Variants in UBE3C observed in about 807,000 individuals in gnomAD.
UBE3C encodes the protein ubiquitin protein ligase E3C.
In UBE3C, 42 loss-of-function variants were observed where a neutral mutation model predicts 129.4. The ratio of observed to expected loss-of-function variants is 0.32; its 90% CI spans 0.25 to 0.42. The LOEUF is 0.42. Among genes scored for constraint, UBE3C ranks in the 10% least tolerant of loss-of-function variants. The pLI, the probability that UBE3C is intolerant of heterozygous loss-of-function variation, is 1.00. For synonymous variants in UBE3C, 510 were observed against 492.4 expected (o/e 1.04, Z -0.47); for missense variants, 1,049 against 1,319.1 (o/e 0.80, Z 3.17).
chr7:157,180,690 TACCCAGAGTTATGTTCACTGCCTCCC>T (rs1197122667), intron 6 of UBE3C, among the ~76,000 whole-genome samples: 1 of 152,252 alleles, frequency 6.6e-6, no homozygotes, highest in Non-Finnish European at 1.5e-5. Context: ...TCATTCTTGA[TACCCAGAGTTATGTTCACTGCCTCCC>T]ACCCAGAGTT....
intron 14 of UBE3C, among the ~76,000 whole-genome samples, chr7:157,220,143 G>A (rs1270039742): frequency 1.3e-5 from 2 of 152,148 alleles, no homozygotes; most frequent in African/African-American, 4.8e-5. Context: ...ACCAGAAGGT[G>A]GAGGTCGCAG....
rs1001867954 is a variant in UBE3C, at chr7:157,269,191, G to A, written c.*1436G>A. ...TATTTTAGGTTGTTTTATGTTGAAT[G>A]TTCTATATCTTATTAGTTAATTTGT... On this transcript the variant is annotated 3_prime_UTR_variant, in exon 23 of 23. Transcript: ENST00000348165. 3.3e-5 allele frequency: 5 copies of A among 152,424 alleles called. No individual in the cohort carries two copies. The highest frequency in any genetic ancestry group is 7.4e-5 in the Non-Finnish European group (5 of 67,988). 9.4% of individuals were successfully genotyped at this position (152,424 alleles called of 1,614,324 possible). A position where few individuals can be genotyped will look rare whatever the true frequency, so the allele number is the denominator to read the frequency against.
chr7:157,177,246 A>G (rs913653713), intron 5 of UBE3C, among the ~76,000 whole-genome samples: 3 of 152,208 alleles, frequency 2.0e-5, no homozygotes, highest in African/African-American at 7.2e-5. Flanking sequence ...TTCCTGGATT[A>G]CTAATGATGA....
At chr7:157,189,322 T>C (rs1268328886) in intron 10 of UBE3C, 3 of 195,738 alleles carry the variant, frequency 1.5e-5, no homozygotes, top group African/African-American at 2.3e-5. Flanking sequence ...ATTTTAGATA[T>C]ATTACCATTG....
At chr7:157,142,363 T>G (rs1450090202) in intron 1 of UBE3C, among the ~76,000 whole-genome samples, 1 of 150,082 alleles carries the variant, frequency 6.7e-6, no homozygotes, top group Non-Finnish European at 1.5e-5. Flanking sequence ...TATAGATCTG[T>G]GTACGACAAG....
intron 14 of UBE3C, among the ~76,000 whole-genome samples, chr7:157,218,188 GT>G (rs1441700083): frequency 1.3e-5 from 2 of 152,222 alleles, no homozygotes; most frequent in Non-Finnish European, 2.9e-5. Context: ...GCTCATGCCT[GT>G]AATCCCAGCA....
intron 1 of UBE3C, among the ~76,000 whole-genome samples, chr7:157,144,957 G>A (rs561181711): frequency 6.6e-6 from 1 of 152,204 alleles, no homozygotes; most frequent in Non-Finnish European, 1.5e-5. Flanking sequence ...CCCTTACAGC[G>A]TTATACAGAA....
chr7:157,180,523 T>C (rs1454047764), intron 6 of UBE3C, among the ~76,000 whole-genome samples: 2 of 152,208 alleles, frequency 1.3e-5, no homozygotes, highest in Admixed American at 6.5e-5. Context: ...AATACGAAGC[T>C]GTGTAGGACT....
At chr7:157,190,324 C>T (rs1039180566) in intron 10 of UBE3C, among the ~76,000 whole-genome samples, 3 of 149,392 alleles carry the variant, frequency 2.0e-5, no homozygotes, top group Admixed American at 6.6e-5. Flanking sequence ...AGAGCCTCCT[C>T]TTTCTGTCCC....
At chr7:157,187,299 A>G (rs78719312) in intron 10 of UBE3C, among the ~76,000 whole-genome samples, 2,423 of 152,182 alleles carry the variant, frequency 0.016, 27 homozygotes, top group Middle Eastern at 0.058. Context: ...CCCATCTGAA[A>G]GGCTGGACTC....
intron 11 of UBE3C, among the ~76,000 whole-genome samples, chr7:157,205,661 A>C (rs1189186884): frequency 6.6e-6 from 1 of 152,204 alleles, no homozygotes; most frequent in Non-Finnish European, 1.5e-5. Context: ...TGAATGTCCC[A>C]CAATGTTTAA....
chr7:157,154,499 C>G (rs1277812160), intron 1 of UBE3C, among the ~76,000 whole-genome samples: 1 of 152,144 alleles, frequency 6.6e-6, no homozygotes, highest in African/African-American at 2.4e-5. Flanking sequence ...TTCACCTCAA[C>G]AAAATATCTT....
At chr7:157,234,571 T>A (rs908610592) in intron 18 of UBE3C, among the ~76,000 whole-genome samples, 4 of 152,200 alleles carry the variant, frequency 2.6e-5, no homozygotes, top group African/African-American at 7.2e-5. Context: ...TATAGAATAA[T>A]TCCCCTTTAT....
At chr7:157,207,598 C>T in intron 12 of UBE3C, 43 bp downstream of exon 12, 1 of 1,598,380 alleles carries the variant, frequency 6.3e-7, no homozygotes, top group Non-Finnish European at 8.5e-7. Flanking sequence ...CCACTTGGCC[C>T]ATCAGTTTTC....
intron 21 of UBE3C, among the ~76,000 whole-genome samples, chr7:157,254,662 G>C (rs1410937300): frequency 6.6e-6 from 1 of 151,912 alleles, no homozygotes; most frequent in Non-Finnish European, 1.5e-5. Flanking sequence ...CCTCCCCAAA[G>C]TGCCAGGATT....
At chr7:157,158,239 C>T (rs977784104) in intron 1 of UBE3C, among the ~76,000 whole-genome samples, 1 of 151,880 alleles carries the variant, frequency 6.6e-6, no homozygotes, top group Non-Finnish European at 1.5e-5. Flanking sequence ...TCAAAGGAAA[C>T]ACAAATATAA....
In UBE3C at chr7:157,248,526, G is replaced by A; in HGVS notation, c.2640G>A (p.Val880=). ...LLFLKSYEDD[V]EELGLNFTVV... is the part of the protein sequence containing the mutation. ...TTCTGAAGAGCTACGAAGACGATGT[G>A]GAGGAGCTTGGGCTGAACTTCACTG... Residue 880 remains valine (V), a synonymous_variant, in exon 19 of 23, where the codon GTG becomes GTA. Transcript: ENST00000348165. 7 of 1,612,976 alleles carry A rather than the reference G, an allele frequency of 4.3e-6. 1 individual carries two copies. In the African/African-American group the frequency reaches 8.0e-5, roughly 18 times the overall value.
At chr7:157,199,978 A>G (rs1809235611) in intron 10 of UBE3C, among the ~76,000 whole-genome samples, 1 of 152,132 alleles carries the variant, frequency 6.6e-6, no homozygotes, top group Non-Finnish European at 1.5e-5. Context: ...TTCTGCTCTT[A>G]CTGGAATGAA....
intron 22 of UBE3C, among the ~76,000 whole-genome samples, chr7:157,260,156 C>T (rs772586192): frequency 6.9e-6 from 1 of 145,324 alleles, no homozygotes; most frequent in Non-Finnish European, 1.5e-5. Context: ...ACAAACAGAA[C>T]CAACTCTGTT....
Sources: gnomAD v4.1 joint callset for allele counts (sites outside exome capture counted in the v4.1 genomes callset) on GRCh38, gnomAD v4.1.1 for gene constraint, MANE v1.5 for transcripts, NCBI Gene and HGNC (gene_info 2026-07-23, HGNC 2026-07-21) for gene names.